Variants in CROCC2 observed in about 807,000 individuals in gnomAD.
CROCC2 encodes ciliary rootlet coiled-coil, rootletin family member 2.
A neutral mutation model predicts 177.6 loss-of-function variants in CROCC2; 163 were observed. That is an observed-to-expected ratio of 0.92 (90% CI 0.81 to 1.05). CROCC2 has a LOEUF of 1.05. CROCC2 is among the 50% of genes least tolerant of loss of function. The pLI is 0.00. For missense variants in CROCC2, 1,929 were observed against 1,797.8 expected (o/e 1.07, Z -1.32); for synonymous variants, 904 against 787.3 (o/e 1.15, Z -2.48).
At chr2:240,930,876 C>T (rs867204178) in intron 6 of CROCC2, 55 bp from the exon 7 acceptor site, 3 of 652,622 alleles carry the variant, frequency 4.6e-6, no homozygotes, top group South Asian at 1.7e-5. Context: ...GGGACCAGGC[C>T]CTCCCTCTGC....
intron 3 of CROCC2, among the ~76,000 whole-genome samples, chr2:240,921,541 C>G (rs1039895162): frequency 2.6e-5 from 4 of 152,216 alleles, no homozygotes; most frequent in Admixed American, 2.0e-4. Context: ...TAGTAAGCTG[C>G]GTGAGTCAGA....
intron 11 of CROCC2, 51 bp from the exon 12 acceptor site, chr2:240,934,280 C>G: frequency 6.5e-7 from 1 of 1,530,840 alleles, no homozygotes; most frequent in East Asian, 2.5e-5. Flanking sequence ...TCCCATGGGG[C>G]AGCCACTGCT....
In CROCC2 at chr2:240,918,802, A is replaced by C. The variant is rs940475612; in HGVS notation, c.155A>C (p.Gln52Pro). The C allele has an allele frequency of 1.5e-5, 9 of 603,720 alleles. No individual in the cohort carries two copies. The highest frequency in any genetic ancestry group is 2.7e-5 in the Non-Finnish European group (9 of 331,840). 37.4% of individuals were successfully genotyped at this position (603,720 alleles called of 1,614,324 possible). ...CTGACCGTGCGTGGGGAAGGCCGGC[A>C]GGCCTCGCCCACCCCCGTGCCCACC... Reference protein sequence around the residue: ...RALTVRGEGRQASPTPVPTRI... With the variant: ...RALTVRGEGRPASPTPVPTRI... Residue 52 changes from glutamine (Q) to proline (P), a missense_variant, in exon 2 of 32, where the codon CAG becomes CCG. Physicochemically the swap from Gln to Pro is moderately conservative, Grantham distance 76. This residue lies in a region of CROCC2 where 1,397 missense variants were observed against 1,239.9 expected (regional missense o/e 1.13). Transcript: ENST00000690015. This position sits in a 1 kb window ranked among gnomAD's most constrained non-coding sequence, Gnocchi z 6.3.
At chr2:240,976,162 G>A (rs1299245871) in intron 27 of CROCC2, among the ~76,000 whole-genome samples, 2 of 151,890 alleles carry the variant, frequency 1.3e-5, no homozygotes, top group South Asian at 2.1e-4. Flanking sequence ...CTCTGGGGTA[G>A]GAGCCTCAGA....
Position 240,922,532 on chromosome 2 carries a change from T to G in CROCC2, c.382-7T>G, listed in dbSNP as rs890769640. On this transcript the variant is annotated splice_polypyrimidine_tract_variant and splice_region_variant and intron_variant, in intron 3 of 31. Transcript: ENST00000690015. ...GCCAGACCAGGTGGGCTATTGCTCCTCCCCAGCTGCAGGCCCGGCTGGAGA... is the reference window on the plus strand; with the variant it reads ...GCCAGACCAGGTGGGCTATTGCTCCGCCCCAGCTGCAGGCCCGGCTGGAGA... 1 of 694,234 alleles carries G rather than the reference T, an allele frequency of 1.4e-6. No individual in the cohort carries two copies. The highest frequency in any genetic ancestry group is 2.7e-6 in the Non-Finnish European group (1 of 371,258). The allele number at this position is 694,234 out of a possible 1,614,324, so 43.0% of individuals were successfully genotyped here.
chr2:240,966,290 C>A lies in CROCC2; in HGVS notation c.4027C>A (p.Pro1343Thr). The A allele has an allele frequency of 2.1e-6, 1 of 466,762 alleles. No individual in the cohort carries two copies. The highest frequency in any genetic ancestry group is 3.5e-6 in the Non-Finnish European group (1 of 285,714). The allele number at this position is 466,762 out of a possible 1,614,324, so 28.9% of individuals were successfully genotyped here. A position where few individuals can be genotyped will look rare whatever the true frequency, so the allele number is the denominator to read the frequency against. Residue 1343 changes from proline to threonine, a missense_variant, in exon 25 of 32, where the codon CCC (proline) becomes ACC (threonine). This residue lies in a region of CROCC2 where 388 missense variants were observed against 352.7 expected (regional missense o/e 1.10). Transcript: ENST00000690015. The stretch of plus-strand genomic sequence containing the variant: ...CAGCCCCCCAGCCAGGCCCCACTCG[C>A]CCCTCCGATGGCCCTCGCCCACACC... ...GTSPPARPHS[P>T]LRWPSPTPGG...
intron 19 of CROCC2, chr2:240,957,633 G>A (rs988443100): frequency 1.3e-5 from 2 of 152,298 alleles, no homozygotes; most frequent in South Asian, 4.1e-4. Context: ...ATGAGGAGGC[G>A]GCTGCTGGAG....
chr2:240,975,786 G>C (rs77313088), intron 27 of CROCC2, among the ~76,000 whole-genome samples: 2,151 of 144,530 alleles, frequency 0.015, 61 homozygotes, highest in African/African-American at 0.051. Context: ...CTGGAGTGCA[G>C]TGGCACGGTC....
Position 240,963,749 on chromosome 2 carries a change from G to A in CROCC2, c.3281G>A (p.Cys1094Tyr), listed in dbSNP as rs1333399061. 6.5e-7 allele frequency: 1 copy of A among 1,549,982 alleles called. No homozygotes were observed. Among genetic ancestry groups the A allele is most frequent in the Admixed American group, 2.0e-5 (1 of 50,996 alleles). The change falls in exon 21 of 32, where the codon TGC becomes TAC. Residue 1094 changes from cysteine (C) to tyrosine (Y), a missense_variant. Physicochemically the swap from Cys to Tyr is radical, Grantham distance 194. Around this residue, in one of 3 missense-constraint regions of CROCC2, gnomAD observed 1,397 missense variants for 1,239.9 expected, o/e 1.13. Coordinates refer to ENST00000690015, the MANE Select transcript of CROCC2 (RefSeq NM_001351305.2). ...AACAGCGAGCTGCGGGCCACCATCT[G>A]CAGGGCCGAACAGGAGAAGGCCAGG... ...LFNSELRATI[C>Y]RAEQEKASFK...
At chr2:240,936,210 T>G (rs1403283498) in intron 14 of CROCC2, among the ~76,000 whole-genome samples, 1 of 152,206 alleles carries the variant, frequency 6.6e-6, no homozygotes, top group Non-Finnish European at 1.5e-5. Context: ...TCTATTGACA[T>G]TTAATAAGTC....
chr2:240,962,802 A>G (rs994286650), intron 20 of CROCC2, among the ~76,000 whole-genome samples: 1 of 152,122 alleles, frequency 6.6e-6, no homozygotes, highest in African/African-American at 2.4e-5. Context: ...GCCAGGGCCG[A>G]GCCCCAGCAA....
Position 240,950,300 on chromosome 2 carries a change from G to A in CROCC2, c.2653-34G>A, listed in dbSNP as rs770206257. ...TAGACAACTGCTGGCCTCACCTGCCGGACCTCACAGCCCATCCCTTTACCT... is the reference window on the plus strand; with the variant it reads ...TAGACAACTGCTGGCCTCACCTGCCAGACCTCACAGCCCATCCCTTTACCT... On this transcript the variant is annotated intron_variant, in intron 17 of 31. Transcript: ENST00000690015. 42 of 1,537,706 alleles carry A rather than the reference G, an allele frequency of 2.7e-5. No homozygotes were observed. In the Middle Eastern group the frequency reaches 6.1e-4, roughly 22 times the overall value.
chr2:240,980,939 C>T (rs1328528817), intron 27 of CROCC2, among the ~76,000 whole-genome samples: 1 of 88,462 alleles, frequency 1.1e-5, no homozygotes, highest in African/African-American at 6.0e-5. Context: ...GTAGGAGCCT[C>T]AGGAGCCCAG....
At position 240,925,705 on chromosome 2, in the gene CROCC2, C is replaced by T; in HGVS notation, c.489-19C>T. On this transcript the variant is annotated intron_variant, in intron 4 of 31. Coordinates refer to ENST00000690015, the MANE Select transcript of CROCC2 (RefSeq NM_001351305.2). Reference sequence around the variant, plus strand: ...AGAGGCTTCCTACCCCCACCATGCCCTGTGGGTTCTCTGTCCAGGAGCACC... The same window carrying T: ...AGAGGCTTCCTACCCCCACCATGCCTTGTGGGTTCTCTGTCCAGGAGCACC... The T allele has an allele frequency of 2.8e-6, 2 of 707,416 alleles. No individual in the cohort carries two copies. Among genetic ancestry groups the T allele is most frequent in the East Asian group, 2.7e-5 (1 of 37,200 alleles). 43.8% of individuals were successfully genotyped at this position (707,416 alleles called of 1,614,324 possible).
Position 240,925,693 on chromosome 2 carries a change from C to G in CROCC2, c.489-31C>G. 3 of 691,446 alleles carry G rather than the reference C, an allele frequency of 4.3e-6. No homozygotes were observed. In the East Asian group the frequency reaches 8.1e-5, roughly 19 times the overall value. 42.8% of individuals were successfully genotyped at this position (691,446 alleles called of 1,614,324 possible). On this transcript the variant is annotated intron_variant, in intron 4 of 31. Coordinates refer to ENST00000690015, the MANE Select transcript of CROCC2 (RefSeq NM_001351305.2). ...GCCTCTCTTAGGAGAGGCTTCCTAC[C>G]CCCACCATGCCCTGTGGGTTCTCTG...
At chr2:240,913,958 T>C (rs1574742333) in intron 1 of CROCC2, among the ~76,000 whole-genome samples, 1 of 152,224 alleles carries the variant, frequency 6.6e-6, no homozygotes, top group Admixed American at 6.5e-5. Context: ...TGCCTGCTCC[T>C]GGCAAGGCCA....
rs555781221 is a variant in CROCC2, at chr2:240,932,564, G to A, written c.1045-138G>A. On this transcript the variant is annotated intron_variant, in intron 8 of 31. Coordinates refer to ENST00000690015, the MANE Select transcript of CROCC2 (RefSeq NM_001351305.2). ...GTGCACTTTGAGGCACGTCAGGAAG[G>A]TGTGGCCCCTCGCCTGTCCTCCCAG... 33 of 689,954 alleles carry A rather than the reference G, an allele frequency of 4.8e-5. No homozygotes were observed. In the South Asian group the frequency reaches 5.1e-4, roughly 11 times the overall value. 42.7% of individuals were successfully genotyped at this position (689,954 alleles called of 1,614,324 possible).
intron 20 of CROCC2, among the ~76,000 whole-genome samples, chr2:240,962,898 G>A (rs982877436): frequency 3.3e-5 from 5 of 152,156 alleles, no homozygotes; most frequent in African/African-American, 7.2e-5. Context: ...GGGTTCTCCC[G>A]GGCACTGTGA....
rs967717415 is a variant in CROCC2, at chr2:240,918,075, C to A, written c.79-651C>A. ...TGAGCCCAGGTCCTGGGCCTTCCTG[C>A]CCACTTCTGGGCCTATTGGAGCCTC... On this transcript the variant is annotated intron_variant, in intron 1 of 31. Coordinates refer to ENST00000690015, the MANE Select transcript of CROCC2 (RefSeq NM_001351305.2). The surrounding 1 kb of genome is among the most constrained non-coding windows in gnomAD (Gnocchi z 6.3). Among the ~76,000 whole-genome samples the A allele has an allele frequency of 3.3e-5, 5 of 152,224 alleles. No individual in the cohort carries two copies. The highest frequency in any genetic ancestry group is 1.2e-4 in the African/African-American group (5 of 41,456).
Sources: gnomAD v4.1 joint callset for allele counts (sites outside exome capture counted in the v4.1 genomes callset) on GRCh38, gnomAD v4.1.1 for gene constraint, gnomAD v4.1.1 regional missense constraint, Gnocchi (gnomAD v3.1) non-coding constraint, MANE v1.5 for transcripts, NCBI Gene and HGNC (gene_info 2026-07-23, HGNC 2026-07-21) for gene names.